COL21A1: variants seen among roughly 807,000 people sequenced by gnomAD.
COL21A1 encodes the protein collagen alpha-1(XXI) chain.
COL21A1 carries 149 observed loss-of-function variants against 137.9 expected under a neutral mutation model. The observed-to-expected ratio is 1.08, with a 90% CI of 0.95 to 1.24. The LOEUF (loss-of-function observed/expected upper bound fraction) is 1.24, where lower values mean the gene tolerates loss of function less well. Ranked by LOEUF, COL21A1 falls within the 50% of genes most tolerant of loss-of-function variation. The probability of loss-of-function intolerance (pLI) is 0.00; values close to 1 mark genes in which losing one functional copy is unlikely to be tolerated. For synonymous variants in COL21A1, 456 were observed against 391.5 expected (o/e 1.16, Z -1.95); for missense variants, 1,167 against 1,158.4 (o/e 1.01, Z -0.11).
At chr6:56,081,240 CTTTTTTCTTTTT>C (rs1224821108) in intron 17 of COL21A1, among the ~76,000 whole-genome samples, 2 of 151,018 alleles carry the variant, frequency 1.3e-5, no homozygotes, top group East Asian at 3.9e-4. Flanking sequence ...AAGGCTTTTT[CTTTTTTCTTTTT>C]TTTTTTCTTA....
At chr6:56,309,200 C>A (rs1396289984) in intron 1 of COL21A1, among the ~76,000 whole-genome samples, 1 of 152,122 alleles carries the variant, frequency 6.6e-6, no homozygotes, top group Non-Finnish European at 1.5e-5. Flanking sequence ...TGCCACCACA[C>A]CCAGCAATTT....
intron 1 of COL21A1, among the ~76,000 whole-genome samples, chr6:56,370,559 C>T (rs1266212686): frequency 1.3e-5 from 2 of 152,168 alleles, no homozygotes; most frequent in African/African-American, 4.8e-5. Context: ...TTTACTTGGA[C>T]CTTTTCAAAA....
At chr6:56,060,530 C>A in intron 27 of COL21A1, 3 of 481,480 alleles carry the variant, frequency 6.2e-6, no homozygotes, top group African/African-American at 2.0e-5. Context: ...CAAATAATGG[C>A]AAAATAATAA....
chr6:56,313,749 T>A (rs574651475), intron 1 of COL21A1, among the ~76,000 whole-genome samples: 1 of 152,204 alleles, frequency 6.6e-6, no homozygotes, highest in African/African-American at 2.4e-5. Flanking sequence ...GAGTTCAACA[T>A]ACAACCATTA....
intron 1 of COL21A1, among the ~76,000 whole-genome samples, chr6:56,332,420 G>T (rs914655014): frequency 1.3e-5 from 2 of 151,598 alleles, no homozygotes; most frequent in East Asian, 1.9e-4. Context: ...ATATTCAGAA[G>T]TGCGTTCAAA....
chr6:56,232,660 G>T (rs1440215094), intron 1 of COL21A1, among the ~76,000 whole-genome samples: 1 of 151,936 alleles, frequency 6.6e-6, no homozygotes, highest in East Asian at 1.9e-4. Context: ...CATGTGCCAA[G>T]TGCAGTCTTA....
chr6:56,095,228 C>T (rs1305424792), intron 17 of COL21A1, among the ~76,000 whole-genome samples: 2 of 152,138 alleles, frequency 1.3e-5, no homozygotes, highest in African/African-American at 4.8e-5. Context: ...TTTAGGATCA[C>T]TTGCACTAGC....
intron 10 of COL21A1, among the ~76,000 whole-genome samples, chr6:56,150,532 A>T (rs924859009): frequency 6.7e-6 from 1 of 150,334 alleles, no homozygotes; most frequent in Non-Finnish European, 1.5e-5. Flanking sequence ...ACACACACAC[A>T]CACACACACA....
chr6:56,365,691 A>G (rs1163563973), intron 1 of COL21A1, among the ~76,000 whole-genome samples: 1 of 152,208 alleles, frequency 6.6e-6, no homozygotes. Flanking sequence ...GTGGGTTCCA[A>G]TGTGGTAATA....
At position 56,352,774 on chromosome 6, in the gene COL21A1, TC is replaced by T. The variant is rs1581765461; in HGVS notation, c.-39+41196del. Among the ~76,000 whole-genome samples, 3 of 152,274 alleles carry T rather than the reference TC, an allele frequency of 2.0e-5. No individual in the cohort carries two copies. The East Asian group carries it at 5.8e-4, about 29-fold the overall frequency. On this transcript the variant is annotated intron_variant, in intron 1 of 28. Transcript: ENST00000370819. ...AGATCTTCAGGCCAGGTGCAGTGGTTCACACCTGTAATCCCAGCACTTTGGG... is the reference window on the plus strand; with the variant it reads ...AGATCTTCAGGCCAGGTGCAGTGGTTACACCTGTAATCCCAGCACTTTGGG...
chr6:56,108,722 A>T (rs1771162818), intron 16 of COL21A1, among the ~76,000 whole-genome samples: 1 of 151,948 alleles, frequency 6.6e-6, no homozygotes, highest in East Asian at 1.9e-4. Context: ...GATCTAAATA[A>T]GATATTCAAT....
At chr6:56,361,933 C>T (rs993552306) in intron 1 of COL21A1, among the ~76,000 whole-genome samples, 5 of 152,180 alleles carry the variant, frequency 3.3e-5, no homozygotes, top group South Asian at 2.1e-4. Flanking sequence ...TTCAAACAGA[C>T]GTAACCTTTT....
chr6:56,374,969 C>T (rs990766544), intron 1 of COL21A1, among the ~76,000 whole-genome samples: 5 of 151,808 alleles, frequency 3.3e-5, no homozygotes, highest in African/African-American at 9.7e-5. Flanking sequence ...GGGAAATAAA[C>T]AGTTTCAACC....
At chr6:56,391,032 G>A (rs1251328728) in intron 1 of COL21A1, among the ~76,000 whole-genome samples, 3 of 152,110 alleles carry the variant, frequency 2.0e-5, no homozygotes, top group Non-Finnish European at 2.9e-5. Context: ...CTTCTCCTCT[G>A]CTTATGGAAC....
At chr6:56,298,304 T>C (rs959863365) in intron 1 of COL21A1, among the ~76,000 whole-genome samples, 10 of 151,996 alleles carry the variant, frequency 6.6e-5, no homozygotes, top group African/African-American at 1.9e-4. Context: ...TTAAAATCAA[T>C]AGAATTTGAG....
At chr6:56,206,081 G>GCATCAACTAACT (rs1473357823) in intron 1 of COL21A1, among the ~76,000 whole-genome samples, 2 of 151,898 alleles carry the variant, frequency 1.3e-5, no homozygotes, top group Non-Finnish European at 2.9e-5. Flanking sequence ...TCAACTAACG[G>GCATCAACTAACT]GCAAAATAAG....
chr6:56,329,222 TCTTTAA>T (rs1351558686), intron 1 of COL21A1, among the ~76,000 whole-genome samples: 5 of 152,254 alleles, frequency 3.3e-5, no homozygotes, highest in East Asian at 1.9e-4. Context: ...CAAACTTGTT[TCTTTAA>T]CTTTGACTAT....
chr6:56,282,070 A>G lies in COL21A1; in HGVS notation c.-38-99414T>C, dbSNP rs538757032. On this transcript the variant is annotated intron_variant, in intron 1 of 28. Transcript: ENST00000370819. ...TCATTCGAAATATTTTTGGAGAAAT[A>G]TTAAAAGCACTGGTGCCTTCAAATT... Among the ~76,000 whole-genome samples, 32 of 152,338 alleles carry G rather than the reference A, an allele frequency of 2.1e-4. 1 individual carries two copies. The highest frequency in any genetic ancestry group is 7.5e-4 in the African/African-American group (31 of 41,578).
chr6:56,060,870 T>C (rs1765733665), intron 26 of COL21A1, 21 bp downstream of exon 26: 1 of 1,583,844 alleles, frequency 6.3e-7, no homozygotes, highest in African/African-American at 1.4e-5. Context: ...GTAATAACTG[T>C]GAAAGAAGCA....
Sources: gnomAD v4.1 joint callset for allele counts (sites outside exome capture counted in the v4.1 genomes callset) on GRCh38, gnomAD v4.1.1 for gene constraint, MANE v1.5 for transcripts, NCBI Gene and HGNC (gene_info 2026-07-23, HGNC 2026-07-21) for gene names.